Variants in STK32B observed in about 807,000 individuals in gnomAD.
STK32B encodes the protein serine/threonine-protein kinase 32B.
Under a neutral mutation model 52.6 loss-of-function variants are expected in STK32B, and 43 were observed. The observed-to-expected ratio is 0.82, with a 90% CI of 0.64 to 1.05. The LOEUF (loss-of-function observed/expected upper bound fraction) is 1.05, where lower values mean the gene tolerates loss of function less well. STK32B is among the 50% of genes least tolerant of loss of function. STK32B has a pLI of 0.00. For missense variants in STK32B, 621 were observed against 534.6 expected, an observed-to-expected ratio of 1.16 and a Z score of -1.59; for synonymous variants, 238 against 204.3, an observed-to-expected ratio of 1.17 and a Z score of -1.41.
chr4:5,422,278 C>T (rs1270259130), intron 6 of STK32B, among the ~76,000 whole-genome samples: 1 of 152,188 alleles, frequency 6.6e-6, no homozygotes, highest in African/African-American at 2.4e-5. Flanking sequence ...AAAGTCAAAT[C>T]TTGCAGCTCC....
At chr4:5,192,556 T>G (rs1360954466) in intron 3 of STK32B, among the ~76,000 whole-genome samples, 2 of 152,202 alleles carry the variant, frequency 1.3e-5, no homozygotes, top group African/African-American at 4.8e-5. Flanking sequence ...GATATTATTT[T>G]TAAATGAAAC....
intron 1 of STK32B, among the ~76,000 whole-genome samples, chr4:5,119,649 A>G (rs779909772): frequency 6.6e-6 from 1 of 152,234 alleles, no homozygotes; most frequent in African/African-American, 2.4e-5. Context: ...GACTGGTGCA[A>G]AACGTTTTGC....
intron 3 of STK32B, among the ~76,000 whole-genome samples, chr4:5,245,764 C>T (rs1465950433): frequency 2.0e-5 from 3 of 152,116 alleles, no homozygotes; most frequent in African/African-American, 7.2e-5. Context: ...TTAGGGCAGG[C>T]CTGGTGGTGA....
intron 3 of STK32B, among the ~76,000 whole-genome samples, chr4:5,320,208 T>C (rs1427260871): frequency 1.3e-5 from 2 of 152,034 alleles, no homozygotes; most frequent in African/African-American, 4.8e-5. Context: ...GCACCTTGAG[T>C]AGAGCGGCCA....
At chr4:5,302,571 A>G (rs1017494529) in intron 3 of STK32B, among the ~76,000 whole-genome samples, 10 of 152,098 alleles carry the variant, frequency 6.6e-5, no homozygotes, top group Non-Finnish European at 1.3e-4. Context: ...TGAAAATATC[A>G]ATATTTGCCA....
intron 4 of STK32B, among the ~76,000 whole-genome samples, chr4:5,337,177 C>A (rs1732765957): frequency 1.3e-5 from 2 of 149,058 alleles, no homozygotes; most frequent in Non-Finnish European, 1.5e-5. Flanking sequence ...TTTGTAAAAA[C>A]AGGGTTTCAG....
intron 2 of STK32B, 200 bp downstream of exon 2, chr4:5,140,160 C>G (rs1716322882): frequency 6.9e-7 from 1 of 1,443,940 alleles, no homozygotes; most frequent in African/African-American, 1.4e-5. Flanking sequence ...ACCACAACAG[C>G]CCTGGTTTAG....
chr4:5,224,487 T>G (rs1450961796), intron 3 of STK32B, among the ~76,000 whole-genome samples: 1 of 152,228 alleles, frequency 6.6e-6, no homozygotes, highest in African/African-American at 2.4e-5. Context: ...AAGGATCCTC[T>G]GAGAAGTGAC....
chr4:5,133,576 T>A (rs1281245941), intron 1 of STK32B, among the ~76,000 whole-genome samples: 1 of 152,132 alleles, frequency 6.6e-6, no homozygotes, highest in Admixed American at 6.5e-5. Flanking sequence ...TGTTAAGGGG[T>A]CATCTGGTTA....
chr4:5,299,201 TTGGTCTCGC>T (rs1296003333), intron 3 of STK32B, among the ~76,000 whole-genome samples: 6 of 152,078 alleles, frequency 3.9e-5, no homozygotes, highest in Non-Finnish European at 8.8e-5. Context: ...ACCTTTTGCG[TTGGTCTCGC>T]TGGGAGCTGC....
intron 3 of STK32B, among the ~76,000 whole-genome samples, chr4:5,317,192 C>CAT (rs796464416): frequency 7.8e-5 from 3 of 38,350 alleles, no homozygotes; most frequent in East Asian, 1.2e-3. Context: ...ATATATATAA[C>CAT]ATATATATAT....
intron 6 of STK32B, among the ~76,000 whole-genome samples, chr4:5,444,839 T>C (rs1222643652): frequency 2.6e-5 from 4 of 152,208 alleles, no homozygotes; most frequent in Non-Finnish European, 4.4e-5. Flanking sequence ...CACTTATCAC[T>C]AACAGGTAAC....
At chr4:5,494,218 A>C (rs7682343) in intron 11 of STK32B, among the ~76,000 whole-genome samples, 26,122 of 151,928 alleles carry the variant, frequency 0.17, 4,727 homozygotes, top group African/African-American at 0.47. Flanking sequence ...GAGTCTAAGT[A>C]TCTTTGTGGG....
intron 1 of STK32B, among the ~76,000 whole-genome samples, chr4:5,094,031 AGCCATT>A (rs1430075847): frequency 2.0e-5 from 3 of 152,158 alleles, no homozygotes; most frequent in African/African-American, 4.8e-5. Context: ...ACCAATGTGA[AGCCATT>A]GCTATAGCTA....
chr4:5,184,334 G>A (rs1467187401), intron 3 of STK32B, among the ~76,000 whole-genome samples: 1 of 152,154 alleles, frequency 6.6e-6, no homozygotes, highest in Non-Finnish European at 1.5e-5. Context: ...CAGCGATGGA[G>A]CATTCAGAAC....
At chr4:5,437,371 T>C (rs1418726505) in intron 6 of STK32B, among the ~76,000 whole-genome samples, 1 of 152,246 alleles carries the variant, frequency 6.6e-6, no homozygotes, top group South Asian at 2.1e-4. Flanking sequence ...TTTCTGCCTC[T>C]TTGAGCTTCC....
chr4:5,257,052 TGA>T (rs1726358941), intron 3 of STK32B, among the ~76,000 whole-genome samples: 1 of 144,404 alleles, frequency 6.9e-6, no homozygotes. Flanking sequence ...AATGAGTGAA[TGA>T]ATATGTGAGT....
At chr4:5,041,334 A>C in the STK32B span, among the ~76,000 whole-genome samples, 1 of 152,142 alleles carries the variant, frequency 6.6e-6, no homozygotes, top group Non-Finnish European at 1.5e-5. Flanking sequence ...AAGAATCCCT[A>C]TAAACCCAGG....
intron 3 of STK32B, among the ~76,000 whole-genome samples, chr4:5,248,110 A>G (rs1725594330): frequency 2.6e-5 from 4 of 152,202 alleles, no homozygotes; most frequent in Admixed American, 1.3e-4. Flanking sequence ...TTTTCAGGAT[A>G]TGCAATTTGC....
Sources: gnomAD v4.1 joint callset for allele counts (sites outside exome capture counted in the v4.1 genomes callset) on GRCh38, gnomAD v4.1.1 for gene constraint, MANE v1.5 for transcripts, NCBI Gene and HGNC (gene_info 2026-07-23, HGNC 2026-07-21) for gene names.